The following COG4 variants were observed in gnomAD, a reference collection of about 807,000 sequenced individuals.
COG4 encodes the protein component of oligomeric golgi complex 4, also known as conserved oligomeric Golgi complex subunit 4.
In COG4, 65 loss-of-function variants were observed where a neutral mutation model predicts 95.1. That is an observed-to-expected ratio of 0.68 (90% CI 0.56 to 0.84). The LOEUF (loss-of-function observed/expected upper bound fraction) is 0.84, where lower values mean the gene tolerates loss of function less well. Among genes scored for constraint, COG4 ranks in the 40% least tolerant of loss-of-function variants. The pLI is 0.00. For missense variants in COG4, 1,045 were observed against 989.1 expected (o/e 1.06, Z -0.76); for synonymous variants, 421 against 374.8 (o/e 1.12, Z -1.42).
intron 8 of COG4, among the ~76,000 whole-genome samples, chr16:70,506,593 CAAA>C (rs1237710539): frequency 6.1e-4 from 9 of 14,702 alleles, no homozygotes; most frequent in African/African-American, 2.1e-3. Context: ...GAGACTGCCT[CAAA>C]AAAAAAAAAA....
chr16:70,494,159 A>C (rs537607531), intron 12 of COG4, among the ~76,000 whole-genome samples: 1 of 152,324 alleles, frequency 6.6e-6, no homozygotes, highest in Non-Finnish European at 1.5e-5. Context: ...CTAATGTCAC[A>C]AGTTTCCAAA....
intron 13 of COG4, among the ~76,000 whole-genome samples, chr16:70,485,689 G>A (rs1219646386): frequency 1.3e-5 from 2 of 149,202 alleles, no homozygotes; most frequent in Non-Finnish European, 3.0e-5. Flanking sequence ...GGGTTCAAGT[G>A]ACTCTCCCAC....
At chr16:70,497,441 T>C (rs551880814) in intron 10 of COG4, 54 bp from the exon 11 acceptor site, 3 of 1,564,990 alleles carry the variant, frequency 1.9e-6, no homozygotes, top group Non-Finnish European at 2.6e-6. Context: ...TGTCATGTTC[T>C]AGATGATTCT....
chr16:70,516,949 G>C (rs866032407), intron 3 of COG4, among the ~76,000 whole-genome samples: 3 of 151,904 alleles, frequency 2.0e-5, no homozygotes, highest in African/African-American at 7.3e-5. Context: ...TTTTTTAGTA[G>C]AGACACGGCT....
At chr16:70,499,955 C>T (rs990848671) in intron 9 of COG4, among the ~76,000 whole-genome samples, 5 of 151,930 alleles carry the variant, frequency 3.3e-5, no homozygotes, top group African/African-American at 7.2e-5. Context: ...CCACCGCGCC[C>T]GACCTAAAAA....
chr16:70,481,002 C>T lies in COG4; in HGVS notation c.*8G>A. Reference sequence around the variant, plus strand: ...AGTGTGATGAGCCAGGTGTGCTCATCCAGGCAGCTACAGGCGCAGCCTCTT... The same window carrying T: ...AGTGTGATGAGCCAGGTGTGCTCATTCAGGCAGCTACAGGCGCAGCCTCTT... On this transcript the variant is annotated 3_prime_UTR_variant, in exon 19 of 19. Coordinates refer to ENST00000323786, the MANE Select transcript of COG4 (RefSeq NM_015386.3). The T allele has an allele frequency of 6.2e-7, 1 of 1,612,000 alleles. No homozygotes were observed. Among genetic ancestry groups the T allele is most frequent in the Non-Finnish European group, 8.5e-7 (1 of 1,180,024 alleles).
At chr16:70,505,843 A>C (rs1567386468) in intron 8 of COG4, among the ~76,000 whole-genome samples, 1 of 151,666 alleles carries the variant, frequency 6.6e-6, no homozygotes, top group Non-Finnish European at 1.5e-5. Flanking sequence ...AAAGAAAATA[A>C]ATGAAATAAA....
At chr16:70,516,232 A>G (rs2049819882) in intron 3 of COG4, among the ~76,000 whole-genome samples, 1 of 151,974 alleles carries the variant, frequency 6.6e-6, no homozygotes, top group African/African-American at 2.4e-5. Context: ...GATAAATTCC[A>G]CTTGGTCATA....
chr16:70,507,152 T>G (rs1298048905), intron 8 of COG4, among the ~76,000 whole-genome samples: 1 of 152,026 alleles, frequency 6.6e-6, no homozygotes, highest in African/African-American at 2.4e-5. Flanking sequence ...GTGGGAGGAT[T>G]GCTTGAGCCC....
intron 13 of COG4, 25 bp from the exon 14 acceptor site, chr16:70,483,994 C>T (rs2151739779): frequency 1.9e-6 from 3 of 1,542,960 alleles, no homozygotes; most frequent in Non-Finnish European, 2.7e-6. Flanking sequence ...TGCTGTAAGA[C>T]CACCGAGCAC....
At position 70,481,876 on chromosome 16, in the gene COG4, A is replaced by T; in HGVS notation, c.2005-11T>A. The T allele has an allele frequency of 6.2e-7, 1 of 1,610,622 alleles. No homozygotes were observed. The highest frequency in any genetic ancestry group is 8.5e-7 in the Non-Finnish European group (1 of 1,177,624). ...CGGGGACAGGCTGGCCTGCACACAGAGGGTTGACATCAGCCGAGCCCCACC... is the reference window on the plus strand; with the variant it reads ...CGGGGACAGGCTGGCCTGCACACAGTGGGTTGACATCAGCCGAGCCCCACC... On this transcript the variant is annotated splice_polypyrimidine_tract_variant and intron_variant, in intron 16 of 18. Coordinates refer to ENST00000323786, the MANE Select transcript of COG4 (RefSeq NM_015386.3).
chr16:70,481,598 G>A, intron 17 of COG4, 111 bp from the exon 18 acceptor site: 4 of 1,536,998 alleles, frequency 2.6e-6, no homozygotes, highest in Non-Finnish European at 3.6e-6. Context: ...GTGGTGCCCT[G>A]TGGTTTGTTT....
chr16:70,517,696 C>A lies in COG4; in HGVS notation c.299G>T (p.Gly100Val). 6.2e-7 allele frequency: 1 copy of A among 1,613,228 alleles called. No homozygotes were observed. The highest frequency in any genetic ancestry group is 1.7e-5 in the Admixed American group (1 of 59,930). The change falls in exon 3 of 19, where the codon GGA becomes GTA. Residue 100 changes from glycine to valine, a missense_variant. Transcript: ENST00000323786. ...CAGGTTGCAGGTAAAGGTGATCATT[C>A]CAGCCAGCTGCTTTGCATCTCCCTC... is the stretch of plus-strand genomic sequence containing the variant. ...LIEGDAKQLA[G>V]MITFTCNLAE...
At position 70,514,357 on chromosome 16, in the gene COG4, C is replaced by A; in HGVS notation, c.522G>T (p.Glu174Asp). 2 of 1,614,230 alleles carry A rather than the reference C, an allele frequency of 1.2e-6. No individual in the cohort carries two copies. Among genetic ancestry groups the A allele is most frequent in the Non-Finnish European group, 1.7e-6 (2 of 1,180,040 alleles). The change falls in exon 4 of 19, where the codon GAG (glutamate) becomes GAT (aspartate). Residue 174 changes from glutamate to aspartate, a missense_variant. Glu to Asp is a conservative substitution (Grantham distance 45). Coordinates refer to ENST00000323786, the MANE Select transcript of COG4 (RefSeq NM_015386.3). ...GACCCTCTTTGCCCTGTCGGCTGAG[C>A]TCAATGACCGACTTGTCCAGGCACA... ...RYLCLDKSVI[E>D]LSRQGKEGSM...
chr16:70,502,378 T>C (rs1046658396), intron 8 of COG4, among the ~76,000 whole-genome samples: 1 of 148,022 alleles, frequency 6.8e-6, no homozygotes, highest in Non-Finnish European at 1.5e-5. Flanking sequence ...GCGGATCACC[T>C]GAGGTCGGGA....
intron 8 of COG4, among the ~76,000 whole-genome samples, chr16:70,503,405 C>A (rs1005426856): frequency 3.9e-5 from 6 of 152,118 alleles, no homozygotes; most frequent in African/African-American, 1.4e-4. Flanking sequence ...AGTTTCCATA[C>A]CTCTCAGAAT....
chr16:70,482,107 T>G lies in COG4; in HGVS notation c.1989A>C (p.Gln663His). The stretch of plus-strand genomic sequence containing the variant: ...CCCTGCTCACCTTGAACTCTGCCAT[T>G]TGCTGCTCCAGGTTAAGGATGAACT... ...VQQFILNLEQQMAEFKASLSP... is the reference protein window; with the variant it reads ...VQQFILNLEQHMAEFKASLSP... The change falls in exon 16 of 19, where the codon CAA becomes CAC. Residue 663 changes from glutamine to histidine, a missense_variant. Transcript: ENST00000323786. 6.2e-7 allele frequency: 1 copy of G among 1,613,802 alleles called. No individual in the cohort carries two copies. Among genetic ancestry groups the G allele is most frequent in the Non-Finnish European group, 8.5e-7 (1 of 1,179,772 alleles).
chr16:70,505,991 A>T (rs1400985841), intron 8 of COG4, among the ~76,000 whole-genome samples: 1 of 151,860 alleles, frequency 6.6e-6, no homozygotes, highest in African/African-American at 2.4e-5. Flanking sequence ...ACCAAAAATT[A>T]AAAAATTGGC....
At chr16:70,482,957 TCCC>T in intron 14 of COG4, 136 bp from the exon 15 acceptor site, 1 of 599,822 alleles carries the variant, frequency 1.7e-6, no homozygotes, top group Non-Finnish European at 2.9e-6. Context: ...TTCTCTCCTC[TCCC>T]CATTTCTTCC....
Sources: allele counts gnomAD v4.1 joint callset (sites outside exome capture counted in the v4.1 genomes callset), GRCh38; gene constraint gnomAD v4.1.1; transcripts MANE v1.5; gene names NCBI Gene and HGNC (gene_info 2026-07-23, HGNC 2026-07-21).